The following EFCC1 variants were observed in gnomAD, a reference collection of about 807,000 sequenced individuals.
The protein encoded by EFCC1 is EF-hand and coiled-coil domain containing 1.
EFCC1 carries 50 observed loss-of-function variants against 52.1 expected under a neutral mutation model. The observed-to-expected ratio is 0.96, with a 90% CI of 0.76 to 1.21. The LOEUF (loss-of-function observed/expected upper bound fraction) is 1.21. Ranked by LOEUF, EFCC1 falls within the 50% of genes most tolerant of loss-of-function variation. EFCC1 has a pLI of 0.00. For missense variants in EFCC1, 837 were observed against 867.3 expected (o/e 0.97, Z 0.44); for synonymous variants, 399 against 396.5 (o/e 1.01, Z -0.08).
chr3:129,025,920 G>C (rs1440500025), intron 2 of EFCC1, among the ~76,000 whole-genome samples: 1 of 152,248 alleles, frequency 6.6e-6, no homozygotes, highest in East Asian at 1.9e-4. Context: ...GCTGGGCCGG[G>C]TCATTCCAGA....
At chr3:129,022,312 G>A (rs779290715) in intron 2 of EFCC1, among the ~76,000 whole-genome samples, 10 of 152,208 alleles carry the variant, frequency 6.6e-5, no homozygotes, top group Non-Finnish European at 1.2e-4. Context: ...GAGACGGGGA[G>A]GGAGTTGTGC....
chr3:129,039,944 C>T lies in EFCC1; in HGVS notation c.*96C>T, dbSNP rs557548081. ...AACCACTGACAGCTGGTCTGACCAC[C>T]GTCACATCATCAGAACTTGAGTCTC... On this transcript the variant is annotated 3_prime_UTR_variant, in exon 8 of 8. Transcript: ENST00000683648. 6.3e-6 allele frequency: 9 copies of T among 1,431,658 alleles called. No homozygotes were observed. Among genetic ancestry groups the T allele is most frequent in the East Asian group, 2.6e-5 (1 of 38,578 alleles). The allele number at this position is 1,431,658 out of a possible 1,614,324, so 88.7% of individuals were successfully genotyped here.
intron 2 of EFCC1, among the ~76,000 whole-genome samples, chr3:129,009,309 C>G (rs1468298980): frequency 6.6e-6 from 1 of 152,216 alleles, no homozygotes; most frequent in Admixed American, 6.5e-5. Context: ...CAGCTTCAGA[C>G]ATGGCTGGAT....
chr3:129,005,470 C>T (rs556840523), intron 2 of EFCC1, among the ~76,000 whole-genome samples: 2 of 152,370 alleles, frequency 1.3e-5, no homozygotes, highest in African/African-American at 4.8e-5. Flanking sequence ...GCAAGGATTT[C>T]AGTTTTTCCC....
At chr3:129,020,190 A>G (rs748765590) in intron 2 of EFCC1, among the ~76,000 whole-genome samples, 10 of 152,206 alleles carry the variant, frequency 6.6e-5, no homozygotes, top group Non-Finnish European at 1.5e-4. Context: ...AGGGGGTAAA[A>G]TGAGAAACAG....
intron 2 of EFCC1, among the ~76,000 whole-genome samples, chr3:129,006,647 A>G (rs984276908): frequency 6.6e-6 from 1 of 152,198 alleles, no homozygotes; most frequent in South Asian, 2.1e-4. Flanking sequence ...AGGAAGAAGT[A>G]GGAGCAGCTA....
At chr3:129,022,056 A>G (rs1441494535) in intron 2 of EFCC1, among the ~76,000 whole-genome samples, 1 of 152,186 alleles carries the variant, frequency 6.6e-6, no homozygotes, top group Non-Finnish European at 1.5e-5. Context: ...CAGCACCCAG[A>G]ACTCACCGTG....
intron 2 of EFCC1, among the ~76,000 whole-genome samples, chr3:129,011,550 C>CAA (rs1201411639): frequency 3.2e-5 from 3 of 93,524 alleles, no homozygotes; most frequent in Middle Eastern, 7.1e-3. Context: ...GACTCCGTCT[C>CAA]AAAAAAAAAA....
At chr3:129,016,314 G>A (rs1945579892) in intron 2 of EFCC1, among the ~76,000 whole-genome samples, 1 of 152,140 alleles carries the variant, frequency 6.6e-6, no homozygotes, top group African/African-American at 2.4e-5. Flanking sequence ...AGGCTTCTGT[G>A]TGAAAGAGAA....
At chr3:129,022,690 C>T (rs1323915855) in intron 2 of EFCC1, among the ~76,000 whole-genome samples, 2 of 152,144 alleles carry the variant, frequency 1.3e-5, no homozygotes, top group African/African-American at 4.8e-5. Context: ...GCTACTGGGG[C>T]CTGCCTTTCC....
At chr3:129,015,381 A>G (rs1945529907) in intron 2 of EFCC1, among the ~76,000 whole-genome samples, 1 of 151,058 alleles carries the variant, frequency 6.6e-6, no homozygotes, top group African/African-American at 2.4e-5. Flanking sequence ...TCTGTCCTTC[A>G]TGTATTTTTG....
intron 2 of EFCC1, among the ~76,000 whole-genome samples, chr3:129,029,296 C>A (rs1946218921): frequency 6.6e-6 from 1 of 152,150 alleles, no homozygotes; most frequent in South Asian, 2.1e-4. Flanking sequence ...TATCTTGTAA[C>A]TGCAGGGAAA....
intron 2 of EFCC1, among the ~76,000 whole-genome samples, chr3:129,017,615 C>T (rs1389084387): frequency 6.6e-6 from 1 of 152,248 alleles, no homozygotes; most frequent in Non-Finnish European, 1.5e-5. Context: ...ACATTGCTTT[C>T]ATCTTCCAGC....
intron 7 of EFCC1, 143 bp from the exon 8 acceptor site, chr3:129,039,569 G>T (rs376687318): frequency 1.5e-6 from 2 of 1,295,522 alleles, no homozygotes; most frequent in East Asian, 2.5e-5. Flanking sequence ...GGGGGAGGTG[G>T]TCCACAGAGC....
intron 2 of EFCC1, among the ~76,000 whole-genome samples, chr3:129,009,099 C>T (rs186526993): frequency 6.6e-6 from 1 of 152,200 alleles, no homozygotes; most frequent in East Asian, 1.9e-4. Context: ...TCATTCAATC[C>T]CTGCCCAACC....
intron 2 of EFCC1, among the ~76,000 whole-genome samples, chr3:129,026,791 T>G (rs1946126934): frequency 6.6e-6 from 1 of 152,172 alleles, no homozygotes; most frequent in Admixed American, 6.5e-5. Flanking sequence ...TAAGCTGTAG[T>G]CACGCGGTCT....
chr3:129,036,916 C>T, intron 5 of EFCC1, 61 bp from the exon 6 acceptor site: 4 of 1,610,404 alleles, frequency 2.5e-6, no homozygotes, highest in Non-Finnish European at 3.4e-6. Context: ...GTAGTTGATC[C>T]TGCCACCTGG....
Position 129,002,133 on chromosome 3 carries a change from C to T in EFCC1, c.505C>T (p.His169Tyr). 1.4e-6 allele frequency: 2 copies of T among 1,470,164 alleles called. No individual in the cohort carries two copies. The highest frequency in any genetic ancestry group is 4.0e-4 in the Middle Eastern group (2 of 5,000). The allele number at this position is 1,470,164 out of a possible 1,614,324, so 91.1% of individuals were successfully genotyped here. ...PRLPRGALSEHIETQIRLRRP... is the reference protein window; with the variant it reads ...PRLPRGALSEYIETQIRLRRP... ...GCTGCCCCGCGGCGCTCTCAGCGAG[C>T]ACATCGAGACGCAGATCCGCCTGCG... Residue 169 changes from histidine to tyrosine, a missense_variant, in exon 1 of 8, where the codon CAC (histidine) becomes TAC (tyrosine). By Grantham distance (83) the His-to-Tyr change is moderately conservative. Coordinates refer to ENST00000683648, the MANE Select transcript of EFCC1 (RefSeq NM_001377500.1).
intron 2 of EFCC1, among the ~76,000 whole-genome samples, chr3:129,028,407 A>T (rs1223977510): frequency 6.6e-6 from 1 of 152,138 alleles, no homozygotes; most frequent in East Asian, 1.9e-4. Flanking sequence ...CTTAAAAAAA[A>T]TAATCTCCAT....
Sources: allele counts gnomAD v4.1 joint callset (sites outside exome capture counted in the v4.1 genomes callset), GRCh38; gene constraint gnomAD v4.1.1; transcripts MANE v1.5; gene names NCBI Gene and HGNC (gene_info 2026-07-23, HGNC 2026-07-21).